Variants in FMNL1 observed in about 807,000 individuals in gnomAD.
The protein encoded by FMNL1 is formin like 1.
A neutral mutation model predicts 121.3 loss-of-function variants in FMNL1; 43 were observed. The observed-to-expected ratio is 0.35, with a 90% confidence interval of 0.28 to 0.46. The LOEUF (loss-of-function observed/expected upper bound fraction) is 0.46, where lower values mean the gene tolerates loss of function less well. Ranked by LOEUF, FMNL1 falls within the 20% of genes least tolerant of loss-of-function variation. The probability of loss-of-function intolerance (pLI) is 1.00; values close to 1 mark genes in which losing one functional copy is unlikely to be tolerated. For missense variants in FMNL1, 1,191 were observed against 1,482.4 expected (o/e 0.80, Z 3.23); for synonymous variants, 613 against 613.5 (o/e 1.00, Z 0.01).
intron 11 of FMNL1, 107 bp downstream of exon 11, chr17:45,239,172 T>G: frequency 1.1e-6 from 1 of 890,026 alleles, no homozygotes; most frequent in Non-Finnish European, 1.9e-6. Context: ...GTTTAAATCC[T>G]GGCTCTGCCG....
rs149933973 is a variant in FMNL1 at position 45,239,081 on chromosome 17, C to T, written c.1080+16C>T. ...GTACTTGGAGGTAAGCCCTGTACTGCCCCCCAGACTGAACTGCCTGCCCAC... is the reference window on the plus strand; with the variant it reads ...GTACTTGGAGGTAAGCCCTGTACTGTCCCCCAGACTGAACTGCCTGCCCAC... On this transcript the variant is annotated intron_variant, in intron 11 of 26. Coordinates refer to ENST00000331495, the MANE Select transcript of FMNL1 (RefSeq NM_005892.4). 9.9e-5 allele frequency: 157 copies of T among 1,592,362 alleles called. No individual in the cohort carries two copies. The East Asian group carries it at 3.4e-3, about 35-fold the overall frequency.
chr17:45,226,628 G>A (rs1464289314), intron 1 of FMNL1, among the ~76,000 whole-genome samples: 1 of 152,204 alleles, frequency 6.6e-6, no homozygotes, highest in African/African-American at 2.4e-5. Context: ...TTGTAGGCTT[G>A]TTGAGGTTTA....
Position 45,239,742 on chromosome 17 carries a change from G to A in FMNL1, c.1080+677G>A, listed in dbSNP as rs368940689. ...TATTGACACATGGTACAACATGGGT[G>A]AGCCTTGAAAACATGCTAAGTGAAA... On this transcript the variant is annotated intron_variant, in intron 11 of 26. Coordinates refer to ENST00000331495, the MANE Select transcript of FMNL1 (RefSeq NM_005892.4). Among the ~76,000 whole-genome samples the A allele has an allele frequency of 6.6e-5, 10 of 152,036 alleles. No individual in the cohort carries two copies. The East Asian group carries it at 1.7e-3, about 26-fold the overall frequency.
At chr17:45,238,185 A>G (rs1310516093) in intron 9 of FMNL1, 1 of 225,384 alleles carries the variant, frequency 4.4e-6, no homozygotes, top group African/African-American at 2.3e-5. Context: ...ATGCTGTGAG[A>G]AAAAAGCCAG....
intron 1 of FMNL1, among the ~76,000 whole-genome samples, chr17:45,222,671 A>G (rs942852244): frequency 6.6e-6 from 1 of 151,898 alleles, no homozygotes; most frequent in African/African-American, 2.4e-5. Flanking sequence ...ACCTCCCGGG[A>G]GCGGGAGACC....
chr17:45,226,734 G>A (rs1442482224), intron 1 of FMNL1, among the ~76,000 whole-genome samples: 5 of 152,282 alleles, frequency 3.3e-5, no homozygotes, highest in South Asian at 2.1e-4. Flanking sequence ...TCTGGGGAGC[G>A]TTTGTTATTG....
At position 45,246,514 on chromosome 17, in the gene FMNL1, C is replaced by CGGT; in HGVS notation, c.3223_3225dup (p.Val1075dup). 1 of 1,614,198 alleles carries CGGT rather than the reference C, an allele frequency of 6.2e-7. No individual in the cohort carries two copies. Among genetic ancestry groups the CGGT allele is most frequent in the Non-Finnish European group, 8.5e-7 (1 of 1,180,002 alleles). The stretch of plus-strand genomic sequence containing the variant: ...CCCCACCCCCACTCAGTGATCAAGA[C>CGGT]GGTGCCCTTCACGGCCCGCACCGGC... On this transcript the variant is annotated inframe_insertion, in exon 26 of 27. Coordinates refer to ENST00000331495, the MANE Select transcript of FMNL1 (RefSeq NM_005892.4).
In FMNL1 at chr17:45,231,193, G is replaced by A. The variant is rs2043428952; in HGVS notation, c.213+506G>A. 6.6e-6 allele frequency among the ~76,000 whole-genome samples: 1 copy of A among 152,208 alleles called. No homozygotes were observed. Among genetic ancestry groups the A allele is most frequent in the African/African-American group, 2.4e-5 (1 of 41,456 alleles). On this transcript the variant is annotated intron_variant, in intron 2 of 26. Coordinates refer to ENST00000331495, the MANE Select transcript of FMNL1 (RefSeq NM_005892.4). The surrounding 1 kb of genome is among the most constrained non-coding windows in gnomAD (Gnocchi z 4.7). ...GCTTTGGTGCTCCGTCCAGGTGCCT[G>A]GACTCACGGGTCACTCAGCTGTCCC...
Position 45,245,257 on chromosome 17 carries a change from C to G in FMNL1, c.2733C>G (p.Ser911=), listed in dbSNP as rs762642540. 15 of 1,614,036 alleles carry G rather than the reference C, an allele frequency of 9.3e-6. No homozygotes were observed. In the South Asian group the frequency reaches 1.5e-4, roughly 17 times the overall value. ...LHFLDKAGSV[S]LDSVLADVRS... ...ACTGCCCCATCCCTGGCCCAGTGTC[C>G]CTGGACAGTGTCCTGGCGGACGTGC... The change falls in exon 22 of 27, where the codon TCC becomes TCG. Residue 911 remains serine, a synonymous_variant. Transcript: ENST00000331495.
Position 45,241,421 on chromosome 17 carries a change from C to T in FMNL1, c.1372C>T (p.Arg458Cys). 6.4e-7 allele frequency: 1 copy of T among 1,561,792 alleles called. No homozygotes were observed. Among genetic ancestry groups the T allele is most frequent in the Non-Finnish European group, 8.7e-7 (1 of 1,153,852 alleles). ...SESTAMGPSR[R>C]PPEPEKAPPA... ...ATCGACCGCCATGGGGCCCTCCAGG[C>T]GTCCCCCAGAGCCTGAGAAAGCGCC... The change falls in exon 14 of 27, where the codon CGT becomes TGT. Residue 458 changes from arginine (R) to cysteine (C), a missense_variant. Around this residue, in one of 4 missense-constraint regions of FMNL1, gnomAD observed 519 missense variants for 492.8 expected, o/e 1.05. Transcript: ENST00000331495. This position sits in a 1 kb window ranked among gnomAD's most constrained non-coding sequence, Gnocchi z 7.0.
intron 1 of FMNL1, among the ~76,000 whole-genome samples, chr17:45,229,852 C>T (rs1242563723): frequency 2.0e-5 from 3 of 152,138 alleles, no homozygotes; most frequent in African/African-American, 7.2e-5. Flanking sequence ...GGGCGGCCCC[C>T]ACCACAGACC....
chr17:45,242,393 C>G lies in FMNL1; in HGVS notation c.1938C>G (p.Asn646Lys), dbSNP rs1567970335. The G allele has an allele frequency of 1.2e-6, 2 of 1,614,008 alleles. No homozygotes were observed. Among genetic ancestry groups the G allele is most frequent in the East Asian group, 2.2e-5 (1 of 44,904 alleles). The part of the protein sequence containing the change: ...IQTKFRMPLL[N>K]WVALKPSQIT... ...CTAAGTTCCGAATGCCACTCTTGAA[C>G]TGGGTGGCACTGAAACCCAGCCAGA... The change falls in exon 16 of 27, where the codon AAC (asparagine) becomes AAG (lysine). Residue 646 changes from asparagine to lysine, a missense_variant. By Grantham distance (94) the Asn-to-Lys change is moderately conservative. Coordinates refer to ENST00000331495, the MANE Select transcript of FMNL1 (RefSeq NM_005892.4).
intron 19 of FMNL1, among the ~76,000 whole-genome samples, chr17:45,244,605 T>C (rs1192458019): frequency 6.6e-6 from 1 of 152,128 alleles, no homozygotes; most frequent in Non-Finnish European, 1.5e-5. Flanking sequence ...AGGACAAAAT[T>C]TGGTGTGCCC....
chr17:45,236,106 C>T (rs1054224479), intron 6 of FMNL1, 30 bp from the exon 7 acceptor site: 61 of 1,582,982 alleles, frequency 3.9e-5, no homozygotes, highest in Non-Finnish European at 5.3e-5. Flanking sequence ...CTCACTCTGA[C>T]TCCTGCTGCC....
chr17:45,244,265 G>A (rs1160687379), intron 19 of FMNL1, 21 bp downstream of exon 19: 2 of 1,600,622 alleles, frequency 1.2e-6, no homozygotes, highest in South Asian at 1.1e-5. Flanking sequence ...AGGAGGTGGG[G>A]CCCACCCTTG....
chr17:45,238,505 A>C lies in FMNL1; in HGVS notation c.895-59A>C. ...CTGTTGAAGCACAGGTGTGGCAGCCAGAAGGTAGCTTAGGACGTGTGTCAC... is the reference window on the plus strand; with the variant it reads ...CTGTTGAAGCACAGGTGTGGCAGCCCGAAGGTAGCTTAGGACGTGTGTCAC... On this transcript the variant is annotated intron_variant, in intron 9 of 26. Coordinates refer to ENST00000331495, the MANE Select transcript of FMNL1 (RefSeq NM_005892.4). The C allele has an allele frequency of 1.9e-6, 3 of 1,584,128 alleles. No individual in the cohort carries two copies. In the South Asian group the frequency reaches 3.3e-5, roughly 18 times the overall value.
chr17:45,243,015 TG>T, intron 16 of FMNL1, 102 bp from the exon 17 acceptor site: 1 of 1,250,820 alleles, frequency 8.0e-7, no homozygotes, highest in Non-Finnish European at 1.1e-6. Context: ...TCTCTGCTGG[TG>T]GCCTGGTCAG....
At chr17:45,223,630 AAGCTG>A (rs925681832) in intron 1 of FMNL1, among the ~76,000 whole-genome samples, 1 of 152,148 alleles carries the variant, frequency 6.6e-6, no homozygotes, top group Non-Finnish European at 1.5e-5. Flanking sequence ...GGACTTCACA[AAGCTG>A]AGCTGAGCTG....
At position 45,243,299 on chromosome 17, in the gene FMNL1, G is replaced by A. The variant is rs749913183; in HGVS notation, c.2192G>A (p.Arg731His). ...CGGAAGGGCAACCTGGGGGCCGAGC[G>A]CATCTGCCAAGCCATTGAGGCGTGA... ...TLRKGNLGAE[R>H]ICQAIEAYDL... The change falls in exon 17 of 27, where the codon CGC (arginine) becomes CAC (histidine). Residue 731 changes from arginine (R) to histidine (H), a missense_variant. Arg to His is a conservative substitution (Grantham distance 29). Coordinates refer to ENST00000331495, the MANE Select transcript of FMNL1 (RefSeq NM_005892.4). 20 of 1,613,384 alleles carry A rather than the reference G, an allele frequency of 1.2e-5. 1 individual carries two copies. In the South Asian group the frequency reaches 1.9e-4, roughly 15 times the overall value.
Sources: gnomAD v4.1 joint callset for allele counts (sites outside exome capture counted in the v4.1 genomes callset) on GRCh38, gnomAD v4.1.1 for gene constraint, gnomAD v4.1.1 regional missense constraint, Gnocchi (gnomAD v3.1) non-coding constraint, MANE v1.5 for transcripts, NCBI Gene and HGNC (gene_info 2026-07-23, HGNC 2026-07-21) for gene names.